The following LDLRAP1 variants were observed in gnomAD, a reference collection of about 807,000 sequenced individuals.
LDLRAP1 encodes the protein low density lipoprotein receptor adaptor protein 1.
LDLRAP1 carries 30 observed loss-of-function variants against 37.8 expected under a neutral mutation model. The observed-to-expected ratio is 0.79, with a 90% CI of 0.59 to 1.08. LDLRAP1 has a LOEUF of 1.08. Among genes scored for constraint, LDLRAP1 ranks in the 50% least tolerant of loss-of-function variants. LDLRAP1 has a pLI of 0.00. For synonymous variants in LDLRAP1, 156 were observed against 169.8 expected, an observed-to-expected ratio of 0.92 and a Z score of 0.63; for missense variants, 375 against 401.6, an observed-to-expected ratio of 0.93 and a Z score of 0.57.
At chr1:25,560,088 G>A (rs528233287) in intron 4 of LDLRAP1, among the ~76,000 whole-genome samples, 6 of 152,230 alleles carry the variant, frequency 3.9e-5, no homozygotes, top group African/African-American at 1.4e-4. Context: ...GTGGTGGGTG[G>A]GGAGTGCACA....
chr1:25,551,865 G>A (rs2044078757), intron 1 of LDLRAP1, among the ~76,000 whole-genome samples: 1 of 152,114 alleles, frequency 6.6e-6, no homozygotes, highest in Non-Finnish European at 1.5e-5. Flanking sequence ...TTTCTTCCTT[G>A]AGCGAGTATT....
chr1:25,577,517 G>C, the LDLRAP1 span, among the ~76,000 whole-genome samples: 76 of 152,350 alleles, frequency 5.0e-4, no homozygotes, highest in African/African-American at 1.8e-3. Context: ...GCAGGAGGCA[G>C]AGTCACATGC....
At chr1:25,569,878 C>T (rs901337891), downstream of LDLRAP1, among the ~76,000 whole-genome samples, 6 of 152,170 alleles carry the variant, frequency 3.9e-5, no homozygotes, top group African/African-American at 9.7e-5. Flanking sequence ...ACCTGTGTGG[C>T]CCTTACCCCG....
At chr1:25,565,341 C>A in intron 8 of LDLRAP1, 134 bp downstream of exon 8, 1 of 978,502 alleles carries the variant, frequency 1.0e-6, no homozygotes. Flanking sequence ...CAGTCCCATC[C>A]CTCCACTCAA....
Position 25,567,436 on chromosome 1 carries a change from AT to A in LDLRAP1, c.*449del, listed in dbSNP as rs397860393. 0.47 allele frequency: 141,658 copies of A among 303,268 alleles called. 33,866 individuals are homozygous for A. Among genetic ancestry groups the A allele is most frequent in the South Asian group, 0.56 (20,063 of 35,734 alleles). 18.8% of individuals were successfully genotyped at this position (303,268 alleles called of 1,614,324 possible). A position where few individuals can be genotyped will look rare whatever the true frequency, so the allele number is the denominator to read the frequency against. ...TCCTGAAAGCTGTTGGATTTCAGTG[AT>A]TTTTCCCCCCACCCCCCAGCACAGG... is the stretch of plus-strand genomic sequence containing the variant. On this transcript the variant is annotated 3_prime_UTR_variant, in exon 9 of 9. Transcript: ENST00000374338.
Position 25,562,710 on chromosome 1 carries a change from A to G in LDLRAP1, c.526A>G (p.Lys176Glu), listed in dbSNP as rs1348253147. The change falls in exon 5 of 9, where the codon AAG becomes GAG. Residue 176 changes from lysine to glutamate, a missense_variant. Lys to Glu is a moderately conservative substitution (Grantham distance 56). Coordinates refer to ENST00000374338, the MANE Select transcript of LDLRAP1 (RefSeq NM_015627.3). The part of the protein sequence containing the change: ...KVAFEFWQVS[K>E]EEKEKRDKAS... ...CGCCTTTGAGTTTTGGCAGGTGTCC[A>G]AGGAAGGTGAGACTTTGCATCTACA... The G allele has an allele frequency of 1.2e-6, 2 of 1,613,830 alleles. No homozygotes were observed. Among genetic ancestry groups the G allele is most frequent in the East Asian group, 2.2e-5 (1 of 44,890 alleles).
the LDLRAP1 span, among the ~76,000 whole-genome samples, chr1:25,576,348 GA>G: frequency 3.3e-5 from 5 of 152,032 alleles, no homozygotes; most frequent in Non-Finnish European, 7.4e-5. Context: ...CCAACATGGA[GA>G]AACCCCATTT....
rs369078585 is a variant in LDLRAP1 at position 25,565,289 on chromosome 1, C to G, written c.782+82C>G. The G allele has an allele frequency of 7.3e-6, 11 of 1,503,582 alleles. No individual in the cohort carries two copies. In the African/African-American group the frequency reaches 1.5e-4, roughly 21 times the overall value. 93.1% of individuals were successfully genotyped at this position (1,503,582 alleles called of 1,614,324 possible). ...TGCCCTTTCTCCTGGGGACCTTTCC[C>G]CTGATTAAGAACACAAGCCACTCAG... On this transcript the variant is annotated intron_variant, in intron 8 of 8. Coordinates refer to ENST00000374338, the MANE Select transcript of LDLRAP1 (RefSeq NM_015627.3).
In LDLRAP1 at chr1:25,567,085, C is replaced by T; in HGVS notation, c.*93C>T. On this transcript the variant is annotated 3_prime_UTR_variant, in exon 9 of 9. Transcript: ENST00000374338. ...AGCCAGTTCTGGGGCCCGCCTGCCA[C>T]CTCTCCCAGCCCTCAGCATTGTCAG... 2.1e-6 allele frequency: 3 copies of T among 1,450,368 alleles called. No individual in the cohort carries two copies. The highest frequency in any genetic ancestry group is 1.8e-5 in the Admixed American group (1 of 55,622). The allele number at this position is 1,450,368 out of a possible 1,614,324, so 89.8% of individuals were successfully genotyped here. A position where few individuals can be genotyped will look rare whatever the true frequency, so the allele number is the denominator to read the frequency against.
chr1:25,547,747 G>T (rs1415209861), intron 1 of LDLRAP1, among the ~76,000 whole-genome samples: 1 of 152,136 alleles, frequency 6.6e-6, no homozygotes, highest in African/African-American at 2.4e-5. Context: ...GCACAACATG[G>T]AAATGGTGTG....
At chr1:25,548,594 C>T (rs945624821) in intron 1 of LDLRAP1, among the ~76,000 whole-genome samples, 2 of 152,096 alleles carry the variant, frequency 1.3e-5, no homozygotes, top group Non-Finnish European at 2.9e-5. Context: ...AGTGATCCAC[C>T]TGCTTTGGCC....
the LDLRAP1 span, among the ~76,000 whole-genome samples, chr1:25,575,777 G>A: frequency 3.0e-4 from 46 of 152,236 alleles, no homozygotes; most frequent in African/African-American, 1.0e-3. Flanking sequence ...TTACACAAAC[G>A]ACCCCATGGG....
chr1:25,575,325 C>G, the LDLRAP1 span, among the ~76,000 whole-genome samples: 1 of 151,534 alleles, frequency 6.6e-6, no homozygotes, highest in Non-Finnish European at 1.5e-5. Flanking sequence ...GGGGCTCATG[C>G]CTGTAATCCA....
At chr1:25,578,253 A>G in the LDLRAP1 span, among the ~76,000 whole-genome samples, 1 of 152,224 alleles carries the variant, frequency 6.6e-6, no homozygotes, top group African/African-American at 2.4e-5. Flanking sequence ...AATTAGTTTT[A>G]TACAGAAGTC....
At chr1:25,579,269 GCACCTGCA>G in the LDLRAP1 span, among the ~76,000 whole-genome samples, 1 of 152,176 alleles carries the variant, frequency 6.6e-6, no homozygotes, top group Admixed American at 6.6e-5. Context: ...GGAGTGAAAA[GCACCTGCA>G]CACAGATCTG....
In LDLRAP1 at chr1:25,554,907, G is replaced by A. The variant is rs751306624; in HGVS notation, c.279G>A (p.Ser93=). 12 of 1,614,094 alleles carry A rather than the reference G, an allele frequency of 7.4e-6. No homozygotes were observed. The Admixed American group carries it at 8.3e-5, about 11-fold the overall frequency. ...KKLQKVTLKV[S]PRGIILTDNL... ...TGCAGAAGGTGACTCTGAAGGTGTCGCCACGGGGAATTATCCTGACAGACA... is the reference window on the plus strand; with the variant it reads ...TGCAGAAGGTGACTCTGAAGGTGTCACCACGGGGAATTATCCTGACAGACA... Residue 93 remains serine (S), a synonymous_variant, in exon 3 of 9, where the codon TCG becomes TCA. Transcript: ENST00000374338. This position sits in a 1 kb window ranked among gnomAD's most constrained non-coding sequence, Gnocchi z 5.4.
downstream of LDLRAP1, among the ~76,000 whole-genome samples, chr1:25,570,369 G>C (rs952005510): frequency 4.6e-5 from 7 of 152,186 alleles, no homozygotes; most frequent in Non-Finnish European, 1.0e-4. Flanking sequence ...CAGATTTGAC[G>C]TGACTTTCAG....
chr1:25,558,617 A>C (rs556119441), intron 4 of LDLRAP1, among the ~76,000 whole-genome samples: 12 of 152,112 alleles, frequency 7.9e-5, no homozygotes, highest in African/African-American at 2.9e-4. Flanking sequence ...GCCTGTCCTC[A>C]TCTTCCGAGC....
chr1:25,571,771 C>T (rs916137279), downstream of LDLRAP1, among the ~76,000 whole-genome samples: 1 of 152,198 alleles, frequency 6.6e-6, no homozygotes, highest in Non-Finnish European at 1.5e-5. Context: ...TAACCTTAGC[C>T]AAGTGTCCAG....
Sources: allele counts gnomAD v4.1 joint callset (sites outside exome capture counted in the v4.1 genomes callset), GRCh38; gene constraint gnomAD v4.1.1; non-coding constraint Gnocchi (gnomAD v3.1); transcripts MANE v1.5; gene names NCBI Gene and HGNC (gene_info 2026-07-23, HGNC 2026-07-21).